TSHZ3: variants seen among roughly 807,000 people sequenced by gnomAD.
TSHZ3 encodes the protein teashirt zinc finger homeobox 3.
A neutral mutation model predicts 64.5 loss-of-function variants in TSHZ3; 10 were observed. The ratio of observed to expected loss-of-function variants is 0.16; its 90% CI spans 0.10 to 0.26. TSHZ3 has a LOEUF of 0.26. Among genes scored for constraint, TSHZ3 ranks in the 10% least tolerant of loss-of-function variants. The pLI is 1.00. For missense variants in TSHZ3, 1,242 were observed against 1,421.7 expected (o/e 0.87, Z 2.03); for synonymous variants, 608 against 593.1 (o/e 1.03, Z -0.36).
chr19:31,248,981 G>C (rs1176381277), intron 1 of TSHZ3, among the ~76,000 whole-genome samples: 1 of 151,978 alleles, frequency 6.6e-6, no homozygotes, highest in Non-Finnish European at 1.5e-5. Context: ...TTTGAGTGGA[G>C]AGCAGCTAGC....
rs201694059 is a variant in TSHZ3, at chr19:31,277,302, C to A, written c.2491G>T (p.Val831Leu). Residue 831 changes from valine to leucine, a missense_variant, in exon 2 of 2, where the codon GTA (valine) becomes TTA (leucine). Physicochemically the swap from Val to Leu is conservative, Grantham distance 32. Transcript: ENST00000240587. This position sits in a 1 kb window ranked among gnomAD's most constrained non-coding sequence, Gnocchi z 4.5. ...TVTTAKTSAV[V>L]SFMSNSPLRE... The stretch of plus-strand genomic sequence containing the variant: ...AGCGGCGAGTTTGACATGAATGATA[C>A]GACGGCAGATGTCTTTGCCGTTGTC... 2.8e-4 allele frequency: 457 copies of A among 1,613,246 alleles called. No individual in the cohort carries two copies. Among genetic ancestry groups the A allele is most frequent in the Non-Finnish European group, 3.7e-4 (440 of 1,179,370 alleles).
At chr19:31,191,572 A>G (rs1974906760) in intron 5 of TSHZ3, among the ~76,000 whole-genome samples, 1 of 152,158 alleles carries the variant, frequency 6.6e-6, no homozygotes, top group Non-Finnish European at 1.5e-5. Flanking sequence ...GAAGAGAGGG[A>G]AAAAAATGTC....
At chr19:31,246,276 A>G (rs945171883) in intron 1 of TSHZ3, among the ~76,000 whole-genome samples, 39 of 152,196 alleles carry the variant, frequency 2.6e-4, no homozygotes, top group Non-Finnish European at 2.9e-5. Context: ...AATTGATCAT[A>G]TTGATTAGAC....
intron 1 of TSHZ3, among the ~76,000 whole-genome samples, chr19:31,293,928 C>G (rs1247066788): frequency 6.6e-6 from 1 of 152,200 alleles, no homozygotes; most frequent in Non-Finnish European, 1.5e-5. Context: ...CCACCTTCCT[C>G]AACGGCTCTC....
At chr19:31,266,022 C>A (rs898760825) in intron 1 of TSHZ3, among the ~76,000 whole-genome samples, 1 of 152,160 alleles carries the variant, frequency 6.6e-6, no homozygotes, top group African/African-American at 2.4e-5. Flanking sequence ...ACCCCTGGCC[C>A]CTGAGCCTGG....
intron 5 of TSHZ3, among the ~76,000 whole-genome samples, chr19:31,175,924 G>C (rs950977840): frequency 1.6e-4 from 24 of 152,334 alleles, no homozygotes; most frequent in African/African-American, 5.3e-4. Context: ...CAAGAAGATG[G>C]AGACACAGCC....
chr19:31,257,136 G>A (rs1162144976), intron 1 of TSHZ3, among the ~76,000 whole-genome samples: 1 of 152,176 alleles, frequency 6.6e-6, no homozygotes, highest in East Asian at 1.9e-4. Flanking sequence ...GCCAGAGATG[G>A]CTGCACAGAG....
intron 1 of TSHZ3, among the ~76,000 whole-genome samples, chr19:31,301,671 C>G (rs966289358): frequency 3.3e-5 from 5 of 152,078 alleles, no homozygotes; most frequent in African/African-American, 1.2e-4. Context: ...CAGAGAGGGT[C>G]GGGTCAGAAG....
intron 1 of TSHZ3, among the ~76,000 whole-genome samples, chr19:31,317,296 C>G (rs1395957443): frequency 2.0e-5 from 3 of 152,194 alleles, no homozygotes; most frequent in Non-Finnish European, 4.4e-5. Flanking sequence ...CATCTCTGGG[C>G]AGCTGTTCCA....
Position 31,339,806 on chromosome 19 carries a change from AG to A in TSHZ3, c.40+9373del, listed in dbSNP as rs397962923. On this transcript the variant is annotated intron_variant, in intron 1 of 1. Coordinates refer to ENST00000240587, the MANE Select transcript of TSHZ3 (RefSeq NM_020856.4). ...TCCCATGGCAAAAAGGAAAAAAAAA[AG>A]GGGGGGGCGTTCTGCTGCTGATACC... is the stretch of plus-strand genomic sequence containing the variant. 3.5e-3 allele frequency among the ~76,000 whole-genome samples: 521 copies of A among 148,722 alleles called. 5 individuals are homozygous for A. The highest frequency in any genetic ancestry group is 0.012 in the African/African-American group (491 of 40,166).
chr19:31,337,720 AAC>A (rs372251116), intron 1 of TSHZ3, among the ~76,000 whole-genome samples: 1,763 of 145,550 alleles, frequency 0.012, 11 homozygotes, highest in Middle Eastern at 0.018. Flanking sequence ...TTTCAAAATA[AAC>A]ACACACACAC....
intron 1 of TSHZ3, among the ~76,000 whole-genome samples, chr19:31,299,883 G>T (rs1483281455): frequency 6.6e-6 from 1 of 152,230 alleles, no homozygotes; most frequent in Non-Finnish European, 1.5e-5. Context: ...TGTGAACACA[G>T]AATGTCACAT....
In TSHZ3 at chr19:31,181,694, A is replaced by G. The variant is rs148944570; in HGVS notation, n.809+23262T>C. 1.2e-4 allele frequency among the ~76,000 whole-genome samples: 19 copies of G among 152,350 alleles called. No homozygotes were observed. In the East Asian group the frequency reaches 3.7e-3, roughly 29 times the overall value. On this transcript the variant is annotated intron_variant and non_coding_transcript_variant, in intron 5 of 6. Coordinates refer to the TSHZ3 transcript ENST00000651361. ...ACAGGCTGACAGAAGAAATGCAACAAGGAAGAAAAATGCAATGAGGAAGTG... is the reference window on the plus strand; with the variant it reads ...ACAGGCTGACAGAAGAAATGCAACAGGGAAGAAAAATGCAATGAGGAAGTG...
intron 1 of TSHZ3, among the ~76,000 whole-genome samples, chr19:31,328,762 T>A (rs1916995031): frequency 6.6e-6 from 1 of 152,150 alleles, no homozygotes; most frequent in Non-Finnish European, 1.5e-5. Context: ...TTTAAGTTGG[T>A]GACAATTAAT....
chr19:31,177,079 G>C (rs1974620395), intron 5 of TSHZ3, among the ~76,000 whole-genome samples: 1 of 152,168 alleles, frequency 6.6e-6, no homozygotes, highest in Non-Finnish European at 1.5e-5. Flanking sequence ...TTGGGTTGCT[G>C]TGAGCAAAAA....
intron 5 of TSHZ3, among the ~76,000 whole-genome samples, chr19:31,172,360 A>G (rs1370125951): frequency 1.3e-5 from 2 of 152,368 alleles, no homozygotes; most frequent in Non-Finnish European, 2.9e-5. Context: ...AAAATTTGGT[A>G]TAATATTTGT....
At chr19:31,248,116 A>T (rs1975782364) in intron 1 of TSHZ3, among the ~76,000 whole-genome samples, 1 of 152,158 alleles carries the variant, frequency 6.6e-6, no homozygotes, top group Non-Finnish European at 1.5e-5. Context: ...CACTACCACG[A>T]GAACAGTATG....
intron 5 of TSHZ3, among the ~76,000 whole-genome samples, chr19:31,185,879 T>C (rs571190077): frequency 8.0e-4 from 122 of 152,314 alleles, no homozygotes; most frequent in African/African-American, 2.8e-3. Context: ...TTTCTAACTA[T>C]AAATTAGATT....
At chr19:31,251,350 C>T (rs920951363) in intron 1 of TSHZ3, among the ~76,000 whole-genome samples, 2 of 152,208 alleles carry the variant, frequency 1.3e-5, no homozygotes, top group East Asian at 1.9e-4. Flanking sequence ...CCAGAGGATA[C>T]TGGTTTCCCT....
Sources: allele counts gnomAD v4.1 joint callset (sites outside exome capture counted in the v4.1 genomes callset), GRCh38; gene constraint gnomAD v4.1.1; non-coding constraint Gnocchi (gnomAD v3.1); transcripts MANE v1.5; gene names NCBI Gene and HGNC (gene_info 2026-07-23, HGNC 2026-07-21).